The following ZNF536 variants were observed in gnomAD, a reference collection of about 807,000 sequenced individuals.
ZNF536 encodes the protein zinc finger protein 536.
ZNF536 carries 13 observed loss-of-function variants against 84.5 expected under a neutral mutation model. That is an observed-to-expected ratio of 0.15 (90% confidence interval 0.10 to 0.24). The LOEUF (loss-of-function observed/expected upper bound fraction) is 0.24. Among genes scored for constraint, ZNF536 ranks in the 10% least tolerant of loss-of-function variants. The pLI, the probability that ZNF536 is intolerant of heterozygous loss-of-function variation, is 1.00. For missense variants in ZNF536, 1,536 were observed against 1,747.5 expected, an observed-to-expected ratio of 0.88 and a Z score of 2.16; for synonymous variants, 811 against 742.5, an observed-to-expected ratio of 1.09 and a Z score of -1.50.
chr19:30,234,397 C>CTTTTTTTTT (rs5827694), intron 1 of ZNF536, among the ~76,000 whole-genome samples: 2 of 82,394 alleles, frequency 2.4e-5, no homozygotes, highest in African/African-American at 5.1e-5. Flanking sequence ...AGGCTCCTTC[C>CTTTTTTTTT]TTTTTTTTTT....
chr19:30,435,963 C>T (rs972182371), intron 1 of ZNF536, among the ~76,000 whole-genome samples: 24 of 152,216 alleles, frequency 1.6e-4, no homozygotes, highest in Admixed American at 6.5e-4. Flanking sequence ...AAAATGGTCA[C>T]GTCTTTGAGA....
chr19:30,562,691 C>A (rs1599816814), downstream of ZNF536, among the ~76,000 whole-genome samples: 1 of 152,230 alleles, frequency 6.6e-6, no homozygotes, highest in Admixed American at 6.5e-5. Context: ...CTCCTGCTTT[C>A]TTTCAATACA....
chr19:30,471,491 C>T (rs2053632679), intron 2 of ZNF536, among the ~76,000 whole-genome samples: 1 of 152,198 alleles, frequency 6.6e-6, no homozygotes, highest in Non-Finnish European at 1.5e-5. Flanking sequence ...AGGTCGCAGT[C>T]CCATGAGACT....
chr19:30,358,920 T>C (rs2048181524), intron 3 of ZNF536, among the ~76,000 whole-genome samples: 1 of 152,146 alleles, frequency 6.6e-6, no homozygotes, highest in South Asian at 2.1e-4. Flanking sequence ...CCTGGGCAGG[T>C]CTCTTCACTC....
chr19:30,294,466 C>A lies in ZNF536; in HGVS notation c.-120+10325C>A, dbSNP rs1489876375. On this transcript the variant is annotated intron_variant, in intron 2 of 5. Coordinates refer to the ZNF536 transcript ENST00000585628. ...TTCCTCAACAGAATATAACTTGAGACAATATTGACAGTTAAAAAATGTAAG... is the reference window on the plus strand; with the variant it reads ...TTCCTCAACAGAATATAACTTGAGAAAATATTGACAGTTAAAAAATGTAAG... Among the ~76,000 whole-genome samples, 6 of 151,870 alleles carry A rather than the reference C, an allele frequency of 4.0e-5. No individual in the cohort carries two copies. In the East Asian group the frequency reaches 1.2e-3, roughly 29 times the overall value.
chr19:30,432,006 T>TATATATATATATATATATATATATACAC (rs149223384), intron 1 of ZNF536, among the ~76,000 whole-genome samples: 137 of 145,918 alleles, frequency 9.4e-4, no homozygotes, highest in African/African-American at 2.3e-3. Flanking sequence ...TATATATATA[T>TATATATATATATATATATATATATACAC]ACACACACAC....
chr19:30,484,738 G>A (rs561541620), intron 2 of ZNF536, among the ~76,000 whole-genome samples: 4 of 148,450 alleles, frequency 2.7e-5, no homozygotes, highest in Admixed American at 6.8e-5. Flanking sequence ...GTGGAACTCC[G>A]TGTGAGAGCT....
At chr19:30,467,571 G>A (rs1341309194) in intron 2 of ZNF536, among the ~76,000 whole-genome samples, 1 of 152,130 alleles carries the variant, frequency 6.6e-6, no homozygotes, top group African/African-American at 2.4e-5. Flanking sequence ...AATGAATGAC[G>A]ACAAGGAGGG....
chr19:30,703,157 C>T (rs1022737779), intron 1 of ZNF536, among the ~76,000 whole-genome samples: 13 of 152,074 alleles, frequency 8.5e-5, no homozygotes, highest in Non-Finnish European at 1.8e-4. Context: ...GAGTCCAGAT[C>T]GAGGAGACGA....
intron 3 of ZNF536, among the ~76,000 whole-genome samples, chr19:30,361,796 A>G (rs925200120): frequency 1.7e-5 from 2 of 117,726 alleles, no homozygotes; most frequent in African/African-American, 6.6e-5. Flanking sequence ...GCGGCCTGGC[A>G]AGGCAGGCGT....
intron 1 of ZNF536, among the ~76,000 whole-genome samples, chr19:30,687,898 G>C (rs941292500): frequency 6.6e-6 from 1 of 151,852 alleles, no homozygotes; most frequent in African/African-American, 2.4e-5. Flanking sequence ...CGTATTTTCT[G>C]GGGACATGCT....
intron 1 of ZNF536, among the ~76,000 whole-genome samples, chr19:30,582,375 C>CTT (rs35509271): frequency 0.028 from 2,476 of 89,030 alleles, 104 homozygotes; most frequent in Non-Finnish European, 0.035. Context: ...CCTAGTTTCT[C>CTT]TTTTTTTTTT....
chr19:30,517,386 T>C (rs1339635082), intron 2 of ZNF536, among the ~76,000 whole-genome samples: 2 of 152,000 alleles, frequency 1.3e-5, no homozygotes, highest in African/African-American at 4.8e-5. Context: ...GAGAGATGCC[T>C]GCAGGGTGGG....
chr19:30,394,275 T>C (rs1406209520), intron 1 of ZNF536, among the ~76,000 whole-genome samples: 1 of 152,202 alleles, frequency 6.6e-6, no homozygotes, highest in Non-Finnish European at 1.5e-5. Flanking sequence ...CCAACAGGTG[T>C]GCCCACCTAT....
At chr19:30,476,229 C>T (rs971349442) in intron 2 of ZNF536, among the ~76,000 whole-genome samples, 3 of 152,130 alleles carry the variant, frequency 2.0e-5, no homozygotes, top group Non-Finnish European at 4.4e-5. Flanking sequence ...CCCCAGCGCA[C>T]CTGGGACCCC....
rs73924290 is a variant in ZNF536 at position 30,285,622 on chromosome 19, C to T, written c.-120+1481C>T. On this transcript the variant is annotated intron_variant, in intron 2 of 5. Coordinates refer to the ZNF536 transcript ENST00000585628. ...CAGTGGAAGTGGCTTTAAACCGCTTCCCCAGAAATGCCCCTCTCTGACCCA... is the reference window on the plus strand; with the variant it reads ...CAGTGGAAGTGGCTTTAAACCGCTTTCCCAGAAATGCCCCTCTCTGACCCA... Among the ~76,000 whole-genome samples the T allele has an allele frequency of 9.6e-3, 1,465 of 152,306 alleles. 29 individuals are homozygous for T. The highest frequency in any genetic ancestry group is 0.034 in the African/African-American group (1,400 of 41,562).
At chr19:30,316,185 C>G in intron 2 of ZNF536, among the ~76,000 whole-genome samples, 1 of 152,276 alleles carries the variant, frequency 6.6e-6, no homozygotes, top group East Asian at 1.9e-4. Flanking sequence ...CTTTAATAGA[C>G]GCCACCAAAT....
intron 2 of ZNF536, among the ~76,000 whole-genome samples, chr19:30,504,376 C>T (rs1350898266): frequency 2.7e-5 from 4 of 147,798 alleles, no homozygotes; most frequent in Admixed American, 2.7e-4. Flanking sequence ...TTCCCTCTCT[C>T]CTTTCCTCTC....
chr19:30,391,432 C>T (rs747822729), intron 1 of ZNF536, among the ~76,000 whole-genome samples: 6 of 152,074 alleles, frequency 3.9e-5, no homozygotes, highest in Non-Finnish European at 5.9e-5. Context: ...AAAAAATAGC[C>T]GGGCATGGTG....
Sources: gnomAD v4.1 joint callset for allele counts (sites outside exome capture counted in the v4.1 genomes callset) on GRCh38, gnomAD v4.1.1 for gene constraint, MANE v1.5 for transcripts, NCBI Gene and HGNC (gene_info 2026-07-23, HGNC 2026-07-21) for gene names.